Variants in LRRC4C observed in about 807,000 individuals in gnomAD.
LRRC4C encodes the protein leucine-rich repeat-containing protein 4C.
In LRRC4C, 5 loss-of-function variants were observed where a neutral mutation model predicts 33.6. The ratio of observed to expected loss-of-function variants is 0.15; its 90% confidence interval spans 0.08 to 0.31. The LOEUF is 0.31. LRRC4C is among the 10% of genes least tolerant of loss of function. The pLI is 1.00. For synonymous variants in LRRC4C, 329 were observed against 302.0 expected (o/e 1.09, Z -0.93); for missense variants, 560 against 796.7 (o/e 0.70, Z 3.58).
At chr11:40,807,180 A>G (rs11036085) in intron 2 of LRRC4C, among the ~76,000 whole-genome samples, 22,680 of 152,116 alleles carry the variant, frequency 0.15, 1,770 homozygotes, top group Admixed American at 0.2. Flanking sequence ...TTTTTCCAAT[A>G]GACTGATAAG....
intron 2 of LRRC4C, among the ~76,000 whole-genome samples, chr11:40,844,696 C>T (rs1479523807): frequency 6.6e-6 from 1 of 152,092 alleles, no homozygotes; most frequent in Non-Finnish European, 1.5e-5. Flanking sequence ...TATTACTAAA[C>T]TCCAAATAAT....
chr11:40,900,223 A>T (rs138176125), intron 2 of LRRC4C, among the ~76,000 whole-genome samples: 1 of 152,116 alleles, frequency 6.6e-6, no homozygotes. Context: ...ATTTTAATGA[A>T]CAAATTGTTC....
chr11:40,493,782 A>G (rs1460626618), intron 3 of LRRC4C, among the ~76,000 whole-genome samples: 1 of 152,158 alleles, frequency 6.6e-6, no homozygotes, highest in East Asian at 1.9e-4. Flanking sequence ...TATTAAGTGC[A>G]TTTAGGTGGA....
chr11:41,097,854 C>G (rs1384217742), intron 1 of LRRC4C, among the ~76,000 whole-genome samples: 2 of 152,144 alleles, frequency 1.3e-5, no homozygotes, highest in Non-Finnish European at 2.9e-5. Flanking sequence ...TCATGCCTCA[C>G]ATCCCTGTTC....
intron 4 of LRRC4C, among the ~76,000 whole-genome samples, chr11:40,251,367 T>C (rs371142551): frequency 3.3e-5 from 5 of 152,116 alleles, no homozygotes; most frequent in African/African-American, 7.2e-5. Flanking sequence ...AATTCACCCA[T>C]TGATACAAAC....
At chr11:40,938,451 T>C (rs2136555260) in intron 1 of LRRC4C, among the ~76,000 whole-genome samples, 1 of 152,184 alleles carries the variant, frequency 6.6e-6, no homozygotes. Flanking sequence ...ATAATAACAA[T>C]GACGATGGCA....
chr11:41,385,075 C>G (rs1215868532), intron 1 of LRRC4C, among the ~76,000 whole-genome samples: 1 of 150,648 alleles, frequency 6.6e-6, no homozygotes, highest in Non-Finnish European at 1.5e-5. Flanking sequence ...TTACATGAAT[C>G]TAATTATATA....
At chr11:40,220,870 GTTTTTGGT>G (rs1289232689) in intron 5 of LRRC4C, among the ~76,000 whole-genome samples, 2 of 102,880 alleles carry the variant, frequency 1.9e-5, no homozygotes, top group Non-Finnish European at 4.3e-5. Context: ...CTATTTTTGT[GTTTTTGGT>G]TTTTTTTTTT....
intron 3 of LRRC4C, among the ~76,000 whole-genome samples, chr11:40,359,963 G>A (rs1947873296): frequency 6.6e-6 from 1 of 152,160 alleles, no homozygotes; most frequent in Non-Finnish European, 1.5e-5. Context: ...GTTTTTGAGA[G>A]CCTATTGAAT....
chr11:40,674,762 T>A (rs1331898624), intron 2 of LRRC4C, among the ~76,000 whole-genome samples: 2 of 152,218 alleles, frequency 1.3e-5, no homozygotes, highest in Non-Finnish European at 2.9e-5. Flanking sequence ...AAGCCTCATA[T>A]GCATAGAGCT....
At chr11:40,960,360 T>C (rs1483366611) in intron 1 of LRRC4C, among the ~76,000 whole-genome samples, 1 of 151,814 alleles carries the variant, frequency 6.6e-6, no homozygotes, top group Non-Finnish European at 1.5e-5. Context: ...TTAGTATTTA[T>C]TCTATAACTA....
chr11:40,384,813 A>G (rs543209017), intron 3 of LRRC4C, among the ~76,000 whole-genome samples: 1 of 152,108 alleles, frequency 6.6e-6, no homozygotes, highest in Non-Finnish European at 1.5e-5. Context: ...ATATTTTTCT[A>G]TAAACAATAT....
intron 2 of LRRC4C, among the ~76,000 whole-genome samples, chr11:40,913,899 A>G (rs915565584): frequency 6.6e-6 from 1 of 152,236 alleles, no homozygotes; most frequent in African/African-American, 2.4e-5. Context: ...ACAAACTACC[A>G]TCGGAGAATA....
At chr11:41,118,617 C>T (rs1942262881) in intron 1 of LRRC4C, among the ~76,000 whole-genome samples, 1 of 152,180 alleles carries the variant, frequency 6.6e-6, no homozygotes. Context: ...TCCATTTCCA[C>T]CAGTCATTGA....
intron 2 of LRRC4C, among the ~76,000 whole-genome samples, chr11:40,774,029 C>A (rs1949873226): frequency 6.6e-6 from 1 of 152,108 alleles, no homozygotes; most frequent in African/African-American, 2.4e-5. Context: ...TCACCTATCC[C>A]TGGCAACTAT....
At chr11:41,382,181 A>G (rs1953181764) in intron 1 of LRRC4C, among the ~76,000 whole-genome samples, 1 of 152,018 alleles carries the variant, frequency 6.6e-6, no homozygotes, top group Admixed American at 6.6e-5. Context: ...ACTAAAGATT[A>G]CCAATAACAA....
chr11:40,724,104 C>G (rs1947167329), intron 2 of LRRC4C, among the ~76,000 whole-genome samples: 1 of 151,988 alleles, frequency 6.6e-6, no homozygotes, highest in Non-Finnish European at 1.5e-5. Flanking sequence ...AGCACCCAGG[C>G]TCATAAAACA....
chr11:40,503,732 G>T (rs1221564509), intron 3 of LRRC4C, among the ~76,000 whole-genome samples: 2 of 152,148 alleles, frequency 1.3e-5, no homozygotes. Context: ...CAAGAGTTAG[G>T]CTCAGTAGAC....
intron 5 of LRRC4C, among the ~76,000 whole-genome samples, chr11:40,228,858 A>G (rs1176518350): frequency 6.6e-6 from 1 of 152,252 alleles, no homozygotes. Context: ...TGATCTGTTT[A>G]GGTTGGCTGT....
Sources: allele counts gnomAD v4.1 joint callset (sites outside exome capture counted in the v4.1 genomes callset), GRCh38; gene constraint gnomAD v4.1.1; transcripts MANE v1.5; gene names NCBI Gene and HGNC (gene_info 2026-07-23, HGNC 2026-07-21).